Variants in DAB1 observed in about 807,000 individuals in gnomAD.
The protein encoded by DAB1 is DAB adaptor protein 1, also known as disabled homolog 1.
Under a neutral mutation model 64.6 loss-of-function variants are expected in DAB1, and 15 were observed. The ratio of observed to expected loss-of-function variants is 0.23; its 90% CI spans 0.16 to 0.36. The LOEUF is 0.36. Ranked by LOEUF, DAB1 falls within the 10% of genes least tolerant of loss-of-function variation. The pLI, the probability that DAB1 is intolerant of heterozygous loss-of-function variation, is 1.00. For missense variants in DAB1, 596 were observed against 706.7 expected (o/e 0.84, Z 1.78); for synonymous variants, 235 against 251.9 (o/e 0.93, Z 0.64).
chr1:58,300,594 AAGAAAGAAAGAAAGAAAGAG>A (rs1662111687), intron 4 of DAB1, among the ~76,000 whole-genome samples: 13 of 33,650 alleles, frequency 3.9e-4, no homozygotes, highest in Non-Finnish European at 7.1e-4. Flanking sequence ...GAAAGAAAGA[AAGAAAGAAAGAAAGAAAGAG>A]AGAGAGAGAG....
At chr1:57,315,704 A>G (rs59396185) in intron 1 of DAB1, among the ~76,000 whole-genome samples, 1 of 152,214 alleles carries the variant, frequency 6.6e-6, no homozygotes, top group African/African-American at 2.4e-5. Context: ...GGGTCTCACC[A>G]TGTTAGCCAG....
intron 7 of DAB1, among the ~76,000 whole-genome samples, chr1:57,541,088 A>G (rs988904675): frequency 1.3e-5 from 2 of 152,048 alleles, no homozygotes; most frequent in Non-Finnish European, 2.9e-5. Context: ...CATGTGCCCC[A>G]TAGATATGTA....
intron 7 of DAB1, among the ~76,000 whole-genome samples, chr1:57,633,086 C>T (rs1014304733): frequency 6.6e-6 from 1 of 152,180 alleles, no homozygotes; most frequent in African/African-American, 2.4e-5. Flanking sequence ...AAATCAGGCT[C>T]AAAGCTATGT....
At chr1:57,731,853 T>G (rs1218298875) in intron 6 of DAB1, among the ~76,000 whole-genome samples, 2 of 151,986 alleles carry the variant, frequency 1.3e-5, no homozygotes, top group African/African-American at 4.8e-5. Flanking sequence ...ACAAGTACAC[T>G]CCTTACAGTT....
chr1:57,505,287 G>A (rs536093855), intron 7 of DAB1, among the ~76,000 whole-genome samples: 5 of 152,232 alleles, frequency 3.3e-5, no homozygotes, highest in African/African-American at 9.6e-5. Context: ...ACACTGTGGG[G>A]TGCTTTTTAC....
intron 4 of DAB1, among the ~76,000 whole-genome samples, chr1:58,151,463 T>C (rs1286221034): frequency 1.3e-5 from 2 of 152,220 alleles, no homozygotes; most frequent in Non-Finnish European, 2.9e-5. Flanking sequence ...CATTTTTTCA[T>C]GTGTCTGTTG....
At chr1:58,409,470 C>T (rs1307852055) in intron 3 of DAB1, among the ~76,000 whole-genome samples, 5 of 152,208 alleles carry the variant, frequency 3.3e-5, no homozygotes, top group Admixed American at 3.3e-4. Flanking sequence ...CAAGCAGCAT[C>T]GCTGTCTGAA....
At chr1:58,078,417 A>C (rs772188127) in intron 5 of DAB1, among the ~76,000 whole-genome samples, 72 of 152,192 alleles carry the variant, frequency 4.7e-4, no homozygotes, top group Non-Finnish European at 9.6e-4. Context: ...CAAATAGGTT[A>C]ATATATATGT....
intron 4 of DAB1, among the ~76,000 whole-genome samples, chr1:58,296,060 C>T (rs1356691981): frequency 7.2e-6 from 1 of 139,288 alleles, no homozygotes; most frequent in Non-Finnish European, 1.5e-5. Flanking sequence ...GCCACTGCAA[C>T]TCCAGCCTGG....
intron 6 of DAB1, among the ~76,000 whole-genome samples, chr1:57,793,867 C>T (rs1025754323): frequency 6.6e-6 from 1 of 152,152 alleles, no homozygotes; most frequent in Non-Finnish European, 1.5e-5. Flanking sequence ...TTTTCTAGTC[C>T]TCAGTGTGTC....
chr1:57,308,633 G>T (rs1344436402), intron 1 of DAB1, among the ~76,000 whole-genome samples: 2 of 152,146 alleles, frequency 1.3e-5, no homozygotes, highest in East Asian at 3.8e-4. Flanking sequence ...CATTCTGGTG[G>T]CATATTGCCA....
chr1:57,288,382 T>C (rs79875325), intron 2 of DAB1, among the ~76,000 whole-genome samples: 6,401 of 152,114 alleles, frequency 0.042, 426 homozygotes, highest in African/African-American at 0.15. Flanking sequence ...CCAAAATCTA[T>C]ATGTTAAAGC....
chr1:58,058,466 C>T (rs1049976944), intron 5 of DAB1, among the ~76,000 whole-genome samples: 9 of 152,130 alleles, frequency 5.9e-5, no homozygotes, highest in Admixed American at 1.3e-4. Flanking sequence ...CAGCCACGCT[C>T]GACTGTTGCA....
chr1:58,332,885 A>G lies in DAB1; in HGVS notation n.309+10467T>C, dbSNP rs991784980. On this transcript the variant is annotated intron_variant and non_coding_transcript_variant, in intron 4 of 20. Transcript: ENST00000485760. ...ATGGGATCCTAAATCTGTTTAGCTT[A>G]TGTCACCCTTTTAAAATTTTATTTA... is the stretch of plus-strand genomic sequence containing the variant. Among the ~76,000 whole-genome samples, 4 of 151,786 alleles carry G rather than the reference A, an allele frequency of 2.6e-5. No homozygotes were observed. In the East Asian group the frequency reaches 7.8e-4, roughly 30 times the overall value.
chr1:58,531,689 TG>T (rs2100476225), intron 1 of DAB1, among the ~76,000 whole-genome samples: 1 of 146,546 alleles, frequency 6.8e-6, no homozygotes, highest in East Asian at 2.0e-4. Flanking sequence ...CACAAATGTG[TG>T]TTTTGAAAAA....
At chr1:57,102,291 A>C (rs1171952855) in intron 4 of DAB1, among the ~76,000 whole-genome samples, 1 of 152,184 alleles carries the variant, frequency 6.6e-6, no homozygotes, top group Non-Finnish European at 1.5e-5. Context: ...CCCAATCTAT[A>C]TTCTTTCAGA....
intron 7 of DAB1, among the ~76,000 whole-genome samples, chr1:57,615,007 C>A (rs964207401): frequency 6.6e-6 from 1 of 151,284 alleles, no homozygotes; most frequent in Admixed American, 6.6e-5. Flanking sequence ...GTAGTTGGGA[C>A]TACAGGCACC....
At chr1:57,720,641 T>C (rs963367457) in intron 6 of DAB1, among the ~76,000 whole-genome samples, 1 of 152,242 alleles carries the variant, frequency 6.6e-6, no homozygotes. Context: ...CTAATAGTGT[T>C]GTAGTGAGGC....
In DAB1 at chr1:57,442,328, A is replaced by G. The variant is rs561355896; in HGVS notation, n.626-151162T>C. Among the ~76,000 whole-genome samples, 21 of 152,318 alleles carry G rather than the reference A, an allele frequency of 1.4e-4. No homozygotes were observed. The South Asian group carries it at 3.9e-3, about 29-fold the overall frequency. ...CAAAGTAGTAATCATTAATTTGGAT[A>G]TGGATTTCTCTCTTTGATTCAATCA... On this transcript the variant is annotated intron_variant and non_coding_transcript_variant, in intron 7 of 20. Transcript: ENST00000485760.
Sources: gnomAD v4.1 joint callset for allele counts (sites outside exome capture counted in the v4.1 genomes callset) on GRCh38, gnomAD v4.1.1 for gene constraint, MANE v1.5 for transcripts, NCBI Gene and HGNC (gene_info 2026-07-23, HGNC 2026-07-21) for gene names.